Variants in LRMDA observed in about 807,000 individuals in gnomAD.
The protein encoded by LRMDA is leucine-rich melanocyte differentiation-associated protein.
In LRMDA, 18 loss-of-function variants were observed where a neutral mutation model predicts 29.8. The observed-to-expected ratio is 0.60, with a 90% CI of 0.42 to 0.90. LRMDA has a LOEUF of 0.90. Ranked by LOEUF, LRMDA falls within the 40% of genes least tolerant of loss-of-function variation. The probability of loss-of-function intolerance (pLI) is 0.00; values close to 1 mark genes in which losing one functional copy is unlikely to be tolerated. For synonymous variants in LRMDA, 125 were observed against 109.4 expected (o/e 1.14, Z -0.89); for missense variants, 273 against 273.9 (o/e 1.00, Z 0.02).
At chr10:76,064,297 A>AT in intron 5 of LRMDA, among the ~76,000 whole-genome samples, 1 of 152,254 alleles carries the variant, frequency 6.6e-6, no homozygotes, top group Non-Finnish European at 1.5e-5. Flanking sequence ...ACTGGGTAGC[A>AT]TTTCACGGGG....
chr10:75,797,638 T>C (rs938088193), intron 2 of LRMDA, among the ~76,000 whole-genome samples: 3 of 152,206 alleles, frequency 2.0e-5, no homozygotes, highest in Admixed American at 6.5e-5. Flanking sequence ...AATGAAATAA[T>C]ACAATATGTG....
chr10:76,419,766 AT>A (rs561464703), intron 6 of LRMDA, among the ~76,000 whole-genome samples: 28 of 152,150 alleles, frequency 1.8e-4, no homozygotes, highest in Admixed American at 1.2e-3. Flanking sequence ...CATTTTTAAA[AT>A]TGGGTTGTTC....
intron 2 of LRMDA, among the ~76,000 whole-genome samples, chr10:75,521,658 C>T (rs1845360978): frequency 6.6e-6 from 1 of 152,232 alleles, no homozygotes; most frequent in Non-Finnish European, 1.5e-5. Context: ...TGACCCTTTG[C>T]ACTTCCCAGG....
chr10:76,464,800 A>T (rs1328440650), intron 6 of LRMDA: 1 of 152,228 alleles, frequency 6.6e-6, no homozygotes, highest in African/African-American at 2.4e-5. Flanking sequence ...TCATATCTTC[A>T]TCACCGTGTA....
chr10:75,443,392 A>G (rs192673719), intron 2 of LRMDA, among the ~76,000 whole-genome samples: 1 of 152,054 alleles, frequency 6.6e-6, no homozygotes, highest in East Asian at 1.9e-4. Context: ...TAATTTGTTG[A>G]GAGTTTTTAT....
chr10:76,317,497 T>G (rs1162303793), intron 5 of LRMDA, among the ~76,000 whole-genome samples: 2 of 152,186 alleles, frequency 1.3e-5, no homozygotes, highest in Non-Finnish European at 2.9e-5. Context: ...TTCTAAATAT[T>G]GTAAATTATA....
chr10:76,495,950 G>A (rs1363996629), intron 6 of LRMDA, among the ~76,000 whole-genome samples: 2 of 74,612 alleles, frequency 2.7e-5, no homozygotes, highest in East Asian at 5.1e-4. Flanking sequence ...ATGCTGTCTT[G>A]TAACAGAGAC....
chr10:75,691,613 A>G (rs1391765501), intron 2 of LRMDA, among the ~76,000 whole-genome samples: 1 of 152,180 alleles, frequency 6.6e-6, no homozygotes. Flanking sequence ...ACATAAGCTC[A>G]TATGGATAAA....
intron 5 of LRMDA, among the ~76,000 whole-genome samples, chr10:76,112,022 A>G (rs1276621413): frequency 8.5e-5 from 13 of 152,312 alleles, no homozygotes; most frequent in Non-Finnish European, 1.8e-4. Flanking sequence ...GAAGCACATT[A>G]TGGGAGGTCA....
At chr10:76,419,048 G>A (rs1459558879) in intron 6 of LRMDA, among the ~76,000 whole-genome samples, 3 of 152,000 alleles carry the variant, frequency 2.0e-5, no homozygotes, top group Non-Finnish European at 4.4e-5. Flanking sequence ...CACCAAAGTG[G>A]TACATTTGTT....
intron 2 of LRMDA, among the ~76,000 whole-genome samples, chr10:75,938,542 T>A (rs1846333931): frequency 6.6e-6 from 1 of 152,176 alleles, no homozygotes; most frequent in South Asian, 2.1e-4. Context: ...CGGCACTAAT[T>A]GTGAAGCCAA....
At chr10:75,703,487 G>T (rs527604712) in intron 2 of LRMDA, among the ~76,000 whole-genome samples, 4 of 152,308 alleles carry the variant, frequency 2.6e-5, no homozygotes, top group African/African-American at 9.6e-5. Flanking sequence ...GTGTGAGGAG[G>T]TTAAAATGAG....
At chr10:75,436,544 T>G (rs1381910612) in intron 1 of LRMDA, among the ~76,000 whole-genome samples, 1 of 151,910 alleles carries the variant, frequency 6.6e-6, no homozygotes, top group Non-Finnish European at 1.5e-5. Context: ...CTCGGCTCAC[T>G]GCAAGCTCCG....
At chr10:76,174,711 T>C (rs997332621) in intron 5 of LRMDA, among the ~76,000 whole-genome samples, 1 of 152,196 alleles carries the variant, frequency 6.6e-6, no homozygotes, top group African/African-American at 2.4e-5. Context: ...CTCAGAAGTG[T>C]GTGAGACTTG....
intron 5 of LRMDA, among the ~76,000 whole-genome samples, chr10:76,228,093 C>T (rs559078257): frequency 1.3e-5 from 2 of 151,122 alleles, no homozygotes; most frequent in South Asian, 2.1e-4. Flanking sequence ...GTGATCTTTG[C>T]TCACTGCAAC....
intron 2 of LRMDA, among the ~76,000 whole-genome samples, chr10:75,508,355 A>G (rs1457421302): frequency 6.6e-6 from 1 of 152,146 alleles, no homozygotes; most frequent in African/African-American, 2.4e-5. Context: ...TTGCCATAAC[A>G]TGACATTACC....
chr10:76,134,977 G>A (rs568358434), intron 5 of LRMDA, among the ~76,000 whole-genome samples: 54 of 152,220 alleles, frequency 3.5e-4, no homozygotes, highest in African/African-American at 1.1e-3. Context: ...ATATTTCTGC[G>A]GCCTTTGAAA....
At chr10:76,231,447 G>GT (rs779614871) in intron 5 of LRMDA, among the ~76,000 whole-genome samples, 25 of 152,344 alleles carry the variant, frequency 1.6e-4, no homozygotes, top group Middle Eastern at 6.8e-3. Flanking sequence ...ATACACAAGT[G>GT]TGGAGAATGC....
In LRMDA at chr10:76,259,508, T is replaced by C. The variant is rs116406754; in HGVS notation, c.517-64893T>C. Among the ~76,000 whole-genome samples the C allele has an allele frequency of 1.6e-3, 239 of 152,234 alleles. 1 individual carries two copies. Among genetic ancestry groups the C allele is most frequent in the African/African-American group, 5.6e-3 (231 of 41,566 alleles). On this transcript the variant is annotated intron_variant, in intron 5 of 6. Transcript: ENST00000611255. ...AACATATGGTCTATCCTGGAGAATG[T>C]TGCATCTGCTGATAATAATGTGTAT... is the stretch of plus-strand genomic sequence containing the variant.
Sources: gnomAD v4.1 joint callset for allele counts (sites outside exome capture counted in the v4.1 genomes callset) on GRCh38, gnomAD v4.1.1 for gene constraint, MANE v1.5 for transcripts, NCBI Gene and HGNC (gene_info 2026-07-23, HGNC 2026-07-21) for gene names.